The following HS3ST4 variants were observed in gnomAD, a reference collection of about 807,000 sequenced individuals.
HS3ST4 encodes heparan sulfate-glucosamine 3-sulfotransferase 4.
In HS3ST4, 17 loss-of-function variants were observed where a neutral mutation model predicts 29.2. The ratio of observed to expected loss-of-function variants is 0.58; its 90% CI spans 0.40 to 0.87. HS3ST4 has a LOEUF of 0.87. HS3ST4 is among the 40% of genes least tolerant of loss of function. The pLI, the probability that HS3ST4 is intolerant of heterozygous loss-of-function variation, is 0.00. For missense variants in HS3ST4, 627 were observed against 634.5 expected (o/e 0.99, Z 0.13); for synonymous variants, 314 against 285.7 (o/e 1.10, Z -1.00).
chr16:25,919,963 C>G (rs1471860823), intron 1 of HS3ST4, among the ~76,000 whole-genome samples: 1 of 152,160 alleles, frequency 6.6e-6, no homozygotes, highest in Non-Finnish European at 1.5e-5. Context: ...ATCCTCCTCC[C>G]TAAGCTATGA....
At chr16:26,133,982 C>G (rs1014281906) in intron 1 of HS3ST4, among the ~76,000 whole-genome samples, 2 of 152,162 alleles carry the variant, frequency 1.3e-5, no homozygotes, top group Non-Finnish European at 2.9e-5. Flanking sequence ...TAACTTTGGT[C>G]TACATATGCC....
chr16:25,792,600 T>A (rs1308881469), intron 1 of HS3ST4, among the ~76,000 whole-genome samples: 2 of 151,976 alleles, frequency 1.3e-5, no homozygotes, highest in African/African-American at 4.8e-5. Context: ...TTTCTAAATA[T>A]TCTTATGCTA....
intron 1 of HS3ST4, among the ~76,000 whole-genome samples, chr16:26,094,775 A>G (rs1898902265): frequency 6.6e-6 from 1 of 152,222 alleles, no homozygotes; most frequent in South Asian, 2.1e-4. Flanking sequence ...TATTAACCTT[A>G]AATGTAAATG....
intron 1 of HS3ST4, among the ~76,000 whole-genome samples, chr16:25,949,804 G>T (rs1257612569): frequency 6.6e-6 from 1 of 152,144 alleles, no homozygotes; most frequent in Non-Finnish European, 1.5e-5. Flanking sequence ...ATCAAGGGTG[G>T]AGGATTTTCA....
At chr16:25,963,545 G>T (rs1397465981) in intron 1 of HS3ST4, among the ~76,000 whole-genome samples, 1 of 152,146 alleles carries the variant, frequency 6.6e-6, no homozygotes, top group African/African-American at 2.4e-5. Context: ...CTCTCTTCCT[G>T]GCCTGAGTTT....
In HS3ST4 at chr16:25,866,855, T is replaced by TA. The variant is rs201332742; in HGVS notation, c.734+173709dup. On this transcript the variant is annotated intron_variant, in intron 1 of 1. Transcript: ENST00000331351. ...AAAACAGAAACATTTGCCTATTTTT[T>TA]AAAAAGACAGCACTTATTACTGAGG... Among the ~76,000 whole-genome samples the TA allele has an allele frequency of 7.9e-3, 1,199 of 152,304 alleles. 11 individuals are homozygous for TA. Among genetic ancestry groups the TA allele is most frequent in the African/African-American group, 0.027 (1,136 of 41,556 alleles).
At chr16:25,768,893 G>T (rs907022674) in intron 1 of HS3ST4, among the ~76,000 whole-genome samples, 1 of 152,092 alleles carries the variant, frequency 6.6e-6, no homozygotes, top group Non-Finnish European at 1.5e-5. Context: ...CATTGCACTG[G>T]CTCTGGTTGG....
chr16:25,942,995 A>G (rs182424810), intron 1 of HS3ST4, among the ~76,000 whole-genome samples: 1 of 152,318 alleles, frequency 6.6e-6, no homozygotes, highest in Admixed American at 6.5e-5. Flanking sequence ...AAACGTTAAT[A>G]AACCAAGCAG....
At chr16:26,043,110 T>A (rs574997183) in intron 1 of HS3ST4, among the ~76,000 whole-genome samples, 85 of 152,286 alleles carry the variant, frequency 5.6e-4, no homozygotes, top group African/African-American at 1.9e-3. Context: ...AATATCTATA[T>A]ACCTACCTAC....
intron 1 of HS3ST4, among the ~76,000 whole-genome samples, chr16:25,777,780 CAAAG>C (rs1226026890): frequency 6.6e-6 from 1 of 151,958 alleles, no homozygotes; most frequent in African/African-American, 2.4e-5. Context: ...AACAAACAAA[CAAAG>C]AAATCGAAAC....
chr16:25,694,097 G>A (rs1378962013), intron 1 of HS3ST4, among the ~76,000 whole-genome samples: 1 of 152,066 alleles, frequency 6.6e-6, no homozygotes, highest in African/African-American at 2.4e-5. Context: ...TATCTTTCTG[G>A]GAAACAGATC....
intron 1 of HS3ST4, among the ~76,000 whole-genome samples, chr16:25,721,388 T>G (rs1277457530): frequency 6.6e-6 from 1 of 152,190 alleles, no homozygotes; most frequent in Non-Finnish European, 1.5e-5. Context: ...GCCTTAGTCT[T>G]TTTTTTACAT....
intron 1 of HS3ST4, among the ~76,000 whole-genome samples, chr16:26,061,722 T>A (rs1898478420): frequency 6.6e-6 from 1 of 152,194 alleles, no homozygotes; most frequent in African/African-American, 2.4e-5. Context: ...AATAATGTCA[T>A]CAGGCTTTGT....
intron 1 of HS3ST4, among the ~76,000 whole-genome samples, chr16:25,725,073 T>C (rs1966523731): frequency 6.6e-6 from 1 of 151,008 alleles, no homozygotes; most frequent in South Asian, 2.1e-4. Flanking sequence ...CAGCAGTCAC[T>C]TGTGTATGTT....
In HS3ST4 at chr16:25,775,656, C is replaced by A. The variant is rs149041606; in HGVS notation, c.734+82505C>A. ...ATTCCTCACAACTTTTGTCTGTGCACGTGTTCTTCTTTTTTCTGAATGCTC... is the reference window on the plus strand; with the variant it reads ...ATTCCTCACAACTTTTGTCTGTGCAAGTGTTCTTCTTTTTTCTGAATGCTC... On this transcript the variant is annotated intron_variant, in intron 1 of 1. Coordinates refer to ENST00000331351, the MANE Select transcript of HS3ST4 (RefSeq NM_006040.3). 3.3e-4 allele frequency among the ~76,000 whole-genome samples: 51 copies of A among 152,300 alleles called. No homozygotes were observed. In the East Asian group the frequency reaches 9.1e-3, roughly 27 times the overall value.
Position 25,948,205 on chromosome 16 carries a change from G to A in HS3ST4, c.735-187407G>A, listed in dbSNP as rs1291179933. ...GAGACGGTGCAACAGCTACTGACCTGATTCTGAGGCAACAGCCCATAACCA... is the reference window on the plus strand; with the variant it reads ...GAGACGGTGCAACAGCTACTGACCTAATTCTGAGGCAACAGCCCATAACCA... On this transcript the variant is annotated intron_variant, in intron 1 of 1. Coordinates refer to ENST00000331351, the MANE Select transcript of HS3ST4 (RefSeq NM_006040.3). 2.6e-5 allele frequency among the ~76,000 whole-genome samples: 4 copies of A among 152,070 alleles called. No homozygotes were observed. In the South Asian group the frequency reaches 6.2e-4, roughly 24 times the overall value.
intron 1 of HS3ST4, among the ~76,000 whole-genome samples, chr16:25,842,655 C>G (rs114483999): frequency 1.1e-3 from 173 of 152,242 alleles, no homozygotes; most frequent in African/African-American, 3.8e-3. Context: ...TATGGGTCCA[C>G]CACTAGAATC....
intron 1 of HS3ST4, among the ~76,000 whole-genome samples, chr16:25,873,654 G>GTCCATCCATCCA (rs1331079188): frequency 1.2e-4 from 4 of 32,970 alleles, no homozygotes; most frequent in African/African-American, 4.6e-4. Flanking sequence ...CCATCCATCC[G>GTCCATCCATCCA]TCCGTCCATC....
At chr16:26,101,542 C>G (rs1209636585) in intron 1 of HS3ST4, among the ~76,000 whole-genome samples, 1 of 152,220 alleles carries the variant, frequency 6.6e-6, no homozygotes, top group African/African-American at 2.4e-5. Context: ...TGAACTTAAA[C>G]AAATGGGTGA....
Sources: gnomAD v4.1 joint callset for allele counts (sites outside exome capture counted in the v4.1 genomes callset) on GRCh38, gnomAD v4.1.1 for gene constraint, MANE v1.5 for transcripts, NCBI Gene and HGNC (gene_info 2026-07-23, HGNC 2026-07-21) for gene names.